COL17A1: variants seen among roughly 807,000 people sequenced by gnomAD.
The protein encoded by COL17A1 is collagen type XVII alpha 1 chain.
A neutral mutation model predicts 218.4 loss-of-function variants in COL17A1; 181 were observed. The ratio of observed to expected loss-of-function variants is 0.83; its 90% CI spans 0.73 to 0.94. COL17A1 has a LOEUF of 0.94. COL17A1 is among the 40% of genes least tolerant of loss of function. COL17A1 has a pLI of 0.00. For missense variants in COL17A1, 1,924 were observed against 1,945.9 expected (o/e 0.99, Z 0.21); for synonymous variants, 721 against 731.0 (o/e 0.99, Z 0.22).
chr10:104,032,987 A>C lies in COL17A1; in HGVS notation c.4295-19T>G. ...CCATAAGCTGCAAAAGCAAGGAAAC[A>C]CTGGCCTTAGAGTCTTGATCACCTG... On this transcript the variant is annotated intron_variant, in intron 53 of 55. Transcript: ENST00000648076. The C allele has an allele frequency of 6.2e-7, 1 of 1,612,012 alleles. No individual in the cohort carries two copies. The highest frequency in any genetic ancestry group is 8.5e-7 in the Non-Finnish European group (1 of 1,179,018).
chr10:104,055,491 A>T lies in COL17A1; in HGVS notation c.1688-90T>A, dbSNP rs563384469. The stretch of plus-strand genomic sequence containing the variant: ...ACACACACACACACACAATAAGGGG[A>T]TCATGGTATGGGAAGAAGAAACTGA... On this transcript the variant is annotated intron_variant, in intron 18 of 55. Coordinates refer to ENST00000648076, the MANE Select transcript of COL17A1 (RefSeq NM_000494.4). 31 of 787,568 alleles carry T rather than the reference A, an allele frequency of 3.9e-5. No homozygotes were observed. In the South Asian group the frequency reaches 6.8e-4, roughly 17 times the overall value. 48.8% of individuals were successfully genotyped at this position (787,568 alleles called of 1,614,324 possible).
At chr10:104,070,341 C>A (rs967662637) in intron 9 of COL17A1, 85 bp downstream of exon 9, 15 of 1,590,086 alleles carry the variant, frequency 9.4e-6, no homozygotes, top group Non-Finnish European at 1.2e-5. Flanking sequence ...TTTCACTGTT[C>A]TCTGGGTCTC....
intron 1 of COL17A1, among the ~76,000 whole-genome samples, chr10:104,082,027 A>G (rs192510734): frequency 2.0e-4 from 31 of 152,316 alleles, no homozygotes; most frequent in African/African-American, 6.7e-4. Flanking sequence ...ACCAAGACCA[A>G]ATGAGACCAG....
chr10:104,046,128 G>A (rs554467153), intron 32 of COL17A1, among the ~76,000 whole-genome samples: 8 of 152,262 alleles, frequency 5.3e-5, no homozygotes, highest in East Asian at 1.9e-4. Context: ...GGAGGGGCTC[G>A]GCTTCCTGAG....
At position 104,035,492 on chromosome 10, in the gene COL17A1, G is replaced by A. The variant is rs1378038533; in HGVS notation, c.3490C>T (p.Leu1164Phe). 6.2e-7 allele frequency: 1 copy of A among 1,613,798 alleles called. No individual in the cohort carries two copies. The highest frequency in any genetic ancestry group is 1.3e-5 in the African/African-American group (1 of 74,874). The stretch of plus-strand genomic sequence containing the variant: ...GCCTTACCTCGCAGCAAGGAGAGGA[G>A]CTCCTCATAGGAGGTTCCCGGCAAG... Reference protein sequence around the residue: ...PGLPGTSYEELLSLLRGSEFR... With the variant: ...PGLPGTSYEEFLSLLRGSEFR... Residue 1164 changes from leucine to phenylalanine, a missense_variant, in exon 49 of 56, where the codon CTC becomes TTC. By Grantham distance (22) the Leu-to-Phe change is conservative. Transcript: ENST00000648076.
chr10:104,057,831 GC>G (rs1564680263), intron 16 of COL17A1, among the ~76,000 whole-genome samples: 2 of 152,098 alleles, frequency 1.3e-5, no homozygotes, highest in Non-Finnish European at 2.9e-5. Context: ...TTCTTGAGCT[GC>G]TGTGTAAAGA....
intron 5 of COL17A1, among the ~76,000 whole-genome samples, chr10:104,075,573 C>A (rs1374572918): frequency 6.6e-6 from 1 of 152,248 alleles, no homozygotes; most frequent in East Asian, 1.9e-4. Flanking sequence ...TGTTTAGTCT[C>A]TTTCTCACCA....
Position 104,070,409 on chromosome 10 carries a change from T to A in COL17A1, c.607+17A>T. On this transcript the variant is annotated intron_variant, in intron 9 of 55. Transcript: ENST00000648076. ...TTGTTTCTCACACTCCTCGGCAGCC[T>A]GGGCTGTCAGACTTACCCGACTGGG... 6.2e-7 allele frequency: 1 copy of A among 1,613,054 alleles called. No homozygotes were observed. Among genetic ancestry groups the A allele is most frequent in the East Asian group, 2.2e-5 (1 of 44,890 alleles).
Position 104,060,097 on chromosome 10 carries a change from A to C in COL17A1, c.1141+22T>G, listed in dbSNP as rs113166552. The C allele has an allele frequency of 3.2e-4, 509 of 1,613,762 alleles. 3 individuals carry two copies. The highest frequency in any genetic ancestry group is 2.1e-3 in the African/African-American group (159 of 75,028). On this transcript the variant is annotated intron_variant, in intron 14 of 55. Transcript: ENST00000648076. ...CTATTTGGCTTTCTTCTGAAACCCA[A>C]GCCACACAGGATCTGACGCACTTGC...
At chr10:104,058,101 G>A in intron 16 of COL17A1, 45 bp downstream of exon 16, 1 of 1,613,206 alleles carries the variant, frequency 6.2e-7, no homozygotes, top group Non-Finnish European at 8.5e-7. Context: ...GCCATAAGCA[G>A]CCCCACTGGA....
intron 8 of COL17A1, among the ~76,000 whole-genome samples, chr10:104,070,902 G>A (rs1485094069): frequency 6.6e-6 from 1 of 152,152 alleles, no homozygotes; most frequent in Non-Finnish European, 1.5e-5. Context: ...GGCAGTTAGA[G>A]AACCAGGTCC....
chr10:104,037,866 C>T, intron 45 of COL17A1, 93 bp from the exon 46 acceptor site: 1 of 1,489,236 alleles, frequency 6.7e-7, no homozygotes, highest in Non-Finnish European at 9.1e-7. Context: ...AACATGCCTG[C>T]CCCGCCCCAC....
Position 104,077,517 on chromosome 10 carries a change from G to C in COL17A1, c.107C>G (p.Thr36Ser). The C allele has an allele frequency of 8.1e-6, 13 of 1,611,740 alleles. No homozygotes were observed. The highest frequency in any genetic ancestry group is 1.1e-5 in the Non-Finnish European group (13 of 1,179,158). ...GGCTGTTTTAGCATAGCCATTGCTG[G>C]TCCCGCCTTCTGCCAGGAACAAAAG... is the stretch of plus-strand genomic sequence containing the variant. The part of the protein sequence containing the change: ...RLTSLPPKGG[T>S]SNGYAKTASL... The change falls in exon 4 of 56, where the codon ACC (threonine) becomes AGC (serine). Residue 36 changes from threonine to serine, a missense_variant. By Grantham distance (58) the Thr-to-Ser change is moderately conservative (BLOSUM62 1). Coordinates refer to ENST00000648076, the MANE Select transcript of COL17A1 (RefSeq NM_000494.4).
At chr10:104,036,439 C>G in intron 48 of COL17A1, 53 bp downstream of exon 48, 1 of 1,611,990 alleles carries the variant, frequency 6.2e-7, no homozygotes, top group Non-Finnish European at 8.5e-7. Context: ...GCTGCGAGTC[C>G]TCATCCCAGT....
intron 1 of COL17A1, among the ~76,000 whole-genome samples, chr10:104,085,296 AC>A (rs1048845123): frequency 1.3e-5 from 2 of 152,058 alleles, no homozygotes; most frequent in East Asian, 1.9e-4. Context: ...CTTTAACTTC[AC>A]CCCTGAGTTG....
Position 104,037,042 on chromosome 10 carries a change from C to G in COL17A1, c.3277+3G>C, listed in dbSNP as rs757250244. On this transcript the variant is annotated splice_donor_region_variant and intron_variant, in intron 47 of 55. Coordinates refer to ENST00000648076, the MANE Select transcript of COL17A1 (RefSeq NM_000494.4). ...ACCCTCGATCCCCCCACAGGTGACT[C>G]ACGCTGCAGCACAGCCAGAATGTCT... is the stretch of plus-strand genomic sequence containing the variant. The G allele has an allele frequency of 7.2e-5, 115 of 1,603,306 alleles. 1 individual carries two copies. In the Middle Eastern group the frequency reaches 8.6e-4, roughly 12 times the overall value.
In COL17A1 at chr10:104,034,429, T is replaced by C; in HGVS notation, c.3767-95A>G. On this transcript the variant is annotated intron_variant, in intron 51 of 55. Transcript: ENST00000648076. ...GTCTCTCCCAGGGTGTCAATGCCCC[T>C]GAGAGACCAGAAGTGAACTTCAGGG... The C allele has an allele frequency of 2.7e-6, 4 of 1,480,742 alleles. No individual in the cohort carries two copies. The South Asian group carries it at 3.9e-5, about 14-fold the overall frequency. 91.7% of individuals were successfully genotyped at this position (1,480,742 alleles called of 1,614,324 possible).
intron 11 of COL17A1, 48 bp from the exon 12 acceptor site, chr10:104,062,377 C>T (rs1363671728): frequency 1.2e-6 from 2 of 1,613,098 alleles, no homozygotes; most frequent in African/African-American, 2.7e-5. Flanking sequence ...ACGGGGGATG[C>T]CCCCTGGCTT....
At chr10:104,084,536 T>C (rs2086790995) in intron 1 of COL17A1, among the ~76,000 whole-genome samples, 1 of 152,172 alleles carries the variant, frequency 6.6e-6, no homozygotes, top group South Asian at 2.1e-4. Flanking sequence ...TGTGCACCAC[T>C]ACGCACACCA....
Sources: gnomAD v4.1 joint callset for allele counts (sites outside exome capture counted in the v4.1 genomes callset) on GRCh38, gnomAD v4.1.1 for gene constraint, MANE v1.5 for transcripts, NCBI Gene and HGNC (gene_info 2026-07-23, HGNC 2026-07-21) for gene names.